The following ZC3H6 variants were observed in gnomAD, a reference collection of about 807,000 sequenced individuals.
ZC3H6 encodes the protein zinc finger CCCH domain-containing protein 6.
ZC3H6 carries 40 observed loss-of-function variants against 107.7 expected under a neutral mutation model. The observed-to-expected ratio is 0.37, with a 90% CI of 0.29 to 0.48. The LOEUF (loss-of-function observed/expected upper bound fraction) is 0.48. Among genes scored for constraint, ZC3H6 ranks in the 20% least tolerant of loss-of-function variants. The probability of loss-of-function intolerance (pLI) is 0.98; values close to 1 mark genes in which losing one functional copy is unlikely to be tolerated. For synonymous variants in ZC3H6, 493 were observed against 487.9 expected (o/e 1.01, Z -0.14); for missense variants, 1,267 against 1,410.4 (o/e 0.90, Z 1.63).
chr2:112,303,171 C>G, intron 2 of ZC3H6, 58 bp from the exon 3 acceptor site: 1 of 1,562,196 alleles, frequency 6.4e-7, no homozygotes, highest in Non-Finnish European at 8.7e-7. Flanking sequence ...TATCTAATTA[C>G]TAGTTAAATT....
At chr2:112,307,097 A>G (rs982902181) in intron 3 of ZC3H6, among the ~76,000 whole-genome samples, 8 of 152,288 alleles carry the variant, frequency 5.3e-5, no homozygotes, top group African/African-American at 1.7e-4. Context: ...TCTGCTATTT[A>G]CAAGAAGAGA....
rs553411696 is a variant in ZC3H6, at chr2:112,329,178, A to G, written c.2087-1827A>G. Among the ~76,000 whole-genome samples, 36 of 152,236 alleles carry G rather than the reference A, an allele frequency of 2.4e-4. No individual in the cohort carries two copies. In the South Asian group the frequency reaches 7.0e-3, roughly 30 times the overall value. On this transcript the variant is annotated intron_variant, in intron 11 of 11. Coordinates refer to ENST00000409871, the MANE Select transcript of ZC3H6 (RefSeq NM_198581.3). ...ATGCATTTTATCTCTGCTTTGATAA[A>G]AGCTGCTAATTATCATTTTTTATCT...
intron 1 of ZC3H6, among the ~76,000 whole-genome samples, chr2:112,277,217 G>A (rs1686443256): frequency 6.6e-6 from 1 of 152,052 alleles, no homozygotes; most frequent in Admixed American, 6.6e-5. Flanking sequence ...AAAAATTTTT[G>A]GAAAGTAAAA....
intron 1 of ZC3H6, among the ~76,000 whole-genome samples, chr2:112,290,840 C>T (rs1404258736): frequency 6.6e-6 from 1 of 152,168 alleles, no homozygotes; most frequent in Non-Finnish European, 1.5e-5. Flanking sequence ...GGTAGTGTGC[C>T]CTTGGCTCAA....
chr2:112,316,569 G>C lies in ZC3H6; in HGVS notation c.847G>C (p.Glu283Gln). The C allele has an allele frequency of 6.3e-7, 1 of 1,599,456 alleles. No individual in the cohort carries two copies. The highest frequency in any genetic ancestry group is 8.5e-7 in the Non-Finnish European group (1 of 1,171,342). ...KGKQICKYFL[E>Q]GRCIKGDQCK... ...AAAACAAATCTGTAAATACTTCCTGGAAGGGAGGTGTATTAAGGTAAATTT... is the reference window on the plus strand; with the variant it reads ...AAAACAAATCTGTAAATACTTCCTGCAAGGGAGGTGTATTAAGGTAAATTT... Residue 283 changes from glutamate (E) to glutamine (Q), a missense_variant, in exon 6 of 12, where the codon GAA becomes CAA. By Grantham distance (29) the Glu-to-Gln change is conservative. This residue lies in a region of ZC3H6 where 337 missense variants were observed against 361.2 expected (regional missense o/e 0.93). Coordinates refer to ENST00000409871, the MANE Select transcript of ZC3H6 (RefSeq NM_198581.3).
Position 112,316,478 on chromosome 2 carries a change from A to G in ZC3H6, c.756A>G (p.Lys252=), listed in dbSNP as rs1420069022. The part of the protein sequence containing the change: ...SVSDDFQEYN[K]PGKKWKVMTQ... ...GAATTTTTTTCTTGCAGTATAATAA[A>G]CCAGGGAAAAAATGGAAGGTTATGA... Residue 252 remains lysine, a synonymous_variant, in exon 6 of 12, where the codon AAA becomes AAG. Transcript: ENST00000409871. 3.1e-6 allele frequency: 5 copies of G among 1,603,736 alleles called. No individual in the cohort carries two copies. The highest frequency in any genetic ancestry group is 1.7e-5 in the Admixed American group (1 of 58,138).
intron 11 of ZC3H6, among the ~76,000 whole-genome samples, chr2:112,329,800 G>A (rs1313924951): frequency 2.6e-5 from 4 of 152,114 alleles, no homozygotes; most frequent in Admixed American, 6.5e-5. Flanking sequence ...TGACTCTTAC[G>A]TTCTGGCAAG....
intron 1 of ZC3H6, among the ~76,000 whole-genome samples, chr2:112,279,052 G>A (rs542507198): frequency 2.6e-5 from 4 of 152,298 alleles, no homozygotes; most frequent in African/African-American, 9.6e-5. Context: ...TTTATAAGAT[G>A]TTATTAATAT....
intron 7 of ZC3H6, among the ~76,000 whole-genome samples, chr2:112,319,953 A>G (rs1046237889): frequency 3.9e-5 from 6 of 152,136 alleles, no homozygotes; most frequent in Middle Eastern, 3.4e-3. Context: ...TTTTTGTGAG[A>G]CGGAGTTTCA....
In ZC3H6 at chr2:112,336,889, A is replaced by G. The variant is rs1307021218; in HGVS notation, c.*4401A>G. 6.6e-6 allele frequency: 1 copy of G among 152,196 alleles called. No individual in the cohort carries two copies. The highest frequency in any genetic ancestry group is 6.5e-5 in the Admixed American group (1 of 15,284). 9.4% of individuals were successfully genotyped at this position (152,196 alleles called of 1,614,324 possible). A position where few individuals can be genotyped will look rare whatever the true frequency, so the allele number is the denominator to read the frequency against. ...GACCCACATGTATCTCCTTATTTTT[A>G]TACTTGCCATAGAAACAAGCCTAGT... On this transcript the variant is annotated 3_prime_UTR_variant, in exon 12 of 12. Transcript: ENST00000409871.
Position 112,325,005 on chromosome 2 carries a change from G to A in ZC3H6, c.1894G>A (p.Val632Ile). 6.2e-7 allele frequency: 1 copy of A among 1,612,036 alleles called. No individual in the cohort carries two copies. The highest frequency in any genetic ancestry group is 8.5e-7 in the Non-Finnish European group (1 of 1,179,012). Residue 632 changes from valine to isoleucine, a missense_variant, in exon 11 of 12, where the codon GTT (valine) becomes ATT (isoleucine). Coordinates refer to ENST00000409871, the MANE Select transcript of ZC3H6 (RefSeq NM_198581.3). The part of the protein sequence containing the change: ...HGEFAQQQPP[V>I]VQDSPNHGSG... ...TGAATTTGCCCAGCAGCAGCCTCCT[G>A]TTGTTCAAGACTCACCTAACCATGG...
chr2:112,289,927 G>A (rs1676072604), intron 1 of ZC3H6, among the ~76,000 whole-genome samples: 1 of 152,026 alleles, frequency 6.6e-6, no homozygotes, highest in Non-Finnish European at 1.5e-5. Flanking sequence ...TTTTTATAGA[G>A]ACGGGGTTTT....
chr2:112,277,426 CT>C (rs1464764594), intron 1 of ZC3H6, among the ~76,000 whole-genome samples: 1 of 151,830 alleles, frequency 6.6e-6, no homozygotes, highest in Non-Finnish European at 1.5e-5. Flanking sequence ...ATCTGTTCCC[CT>C]CTCTTAGTGC....
intron 7 of ZC3H6, among the ~76,000 whole-genome samples, chr2:112,318,970 A>G (rs1676751178): frequency 1.3e-5 from 2 of 152,230 alleles, no homozygotes; most frequent in Non-Finnish European, 2.9e-5. Context: ...CAATATTAAA[A>G]TTAACAAATG....
At position 112,322,780 on chromosome 2, in the gene ZC3H6, T is replaced by G. The variant is rs1192522504; in HGVS notation, c.1218T>G (p.Phe406Leu). The G allele has an allele frequency of 1.2e-6, 2 of 1,613,926 alleles. No homozygotes were observed. The highest frequency in any genetic ancestry group is 2.2e-5 in the South Asian group (2 of 91,050). The change falls in exon 9 of 12, where the codon TTT (phenylalanine) becomes TTG (leucine). Residue 406 changes from phenylalanine (F) to leucine (L), a missense_variant. By Grantham distance (22) the Phe-to-Leu change is conservative. This residue lies in a region of ZC3H6 where 925 missense variants were observed against 1,025.7 expected (regional missense o/e 0.90). Transcript: ENST00000409871. ...VGLLPTPPEH[F>L]PFSDPEDDFQ... ...TTCTGCCAACCCCTCCAGAGCATTT[T>G]CCCTTTTCTGATCCTGAAGACGATT...
rs1481608617 is a variant in ZC3H6, at chr2:112,333,600, AT to A, written c.*1113del. 1 of 152,136 alleles carries A rather than the reference AT, an allele frequency of 6.6e-6. No homozygotes were observed. The highest frequency in any genetic ancestry group is 2.4e-5 in the African/African-American group (1 of 41,452). 9.4% of individuals were successfully genotyped at this position (152,136 alleles called of 1,614,324 possible). ...CTAAATTGATTAGAAATTGTATTTT[AT>A]GAAAAATAACTTGTATTCATTCTTG... is the stretch of plus-strand genomic sequence containing the variant. On this transcript the variant is annotated 3_prime_UTR_variant, in exon 12 of 12. Transcript: ENST00000409871.
chr2:112,289,218 C>T (rs1446028401), intron 1 of ZC3H6, among the ~76,000 whole-genome samples: 1 of 151,812 alleles, frequency 6.6e-6, no homozygotes, highest in Non-Finnish European at 1.5e-5. Flanking sequence ...GTTGGCCAGG[C>T]TGGTCTCGAA....
rs765808443 is a variant in ZC3H6, at chr2:112,316,488, A to G, written c.766A>G (p.Lys256Glu). Residue 256 changes from lysine (K) to glutamate (E), a missense_variant, in exon 6 of 12, where the codon AAA becomes GAA. Around this residue, in one of 3 missense-constraint regions of ZC3H6, gnomAD observed 337 missense variants for 361.2 expected, o/e 0.93. Coordinates refer to ENST00000409871, the MANE Select transcript of ZC3H6 (RefSeq NM_198581.3). ...DFQEYNKPGKKWKVMTQEFIN... is the reference protein window; with the variant it reads ...DFQEYNKPGKEWKVMTQEFIN... The stretch of plus-strand genomic sequence containing the variant: ...CTTGCAGTATAATAAACCAGGGAAA[A>G]AATGGAAGGTTATGACTCAGGAATT... 3 of 1,606,802 alleles carry G rather than the reference A, an allele frequency of 1.9e-6. No homozygotes were observed. The African/African-American group carries it at 4.0e-5, about 22-fold the overall frequency.
At chr2:112,290,043 T>A (rs1418730646) in intron 1 of ZC3H6, among the ~76,000 whole-genome samples, 3 of 152,190 alleles carry the variant, frequency 2.0e-5, no homozygotes, top group Non-Finnish European at 4.4e-5. Flanking sequence ...GCCCAGCTTT[T>A]GAAAAACCTG....
Sources: allele counts gnomAD v4.1 joint callset (sites outside exome capture counted in the v4.1 genomes callset), GRCh38; gene constraint gnomAD v4.1.1; regional missense constraint gnomAD v4.1.1; transcripts MANE v1.5; gene names NCBI Gene and HGNC (gene_info 2026-07-23, HGNC 2026-07-21).